Variants in PLXDC2 observed in about 807,000 individuals in gnomAD.
PLXDC2 encodes the protein plexin domain-containing protein 2.
PLXDC2 carries 40 observed loss-of-function variants against 68.9 expected under a neutral mutation model. The observed-to-expected ratio is 0.58, with a 90% confidence interval of 0.45 to 0.76. The LOEUF (loss-of-function observed/expected upper bound fraction) is 0.76. Ranked by LOEUF, PLXDC2 falls within the 30% of genes least tolerant of loss-of-function variation. The pLI, the probability that PLXDC2 is intolerant of heterozygous loss-of-function variation, is 0.00. For synonymous variants in PLXDC2, 243 were observed against 234.2 expected, an observed-to-expected ratio of 1.04 and a Z score of -0.34; for missense variants, 644 against 661.9, an observed-to-expected ratio of 0.97 and a Z score of 0.30.
intron 1 of PLXDC2, among the ~76,000 whole-genome samples, chr10:19,829,434 T>G (rs1484603669): frequency 2.0e-5 from 3 of 152,194 alleles, no homozygotes; most frequent in Non-Finnish European, 4.4e-5. Flanking sequence ...GATACTTTCT[T>G]ACCACATGTT....
rs576851240 is a variant in PLXDC2 at position 20,228,213 on chromosome 10, A to G, written c.1312+9111A>G. Among the ~76,000 whole-genome samples, 3 of 152,346 alleles carry G rather than the reference A, an allele frequency of 2.0e-5. No individual in the cohort carries two copies. In the East Asian group the frequency reaches 5.8e-4, roughly 29 times the overall value. ...ATACAAATTTAGGCATCAGCAGCGTATAAATGACAGTTGAAGTTAAGGAGA... is the reference window on the plus strand; with the variant it reads ...ATACAAATTTAGGCATCAGCAGCGTGTAAATGACAGTTGAAGTTAAGGAGA... On this transcript the variant is annotated intron_variant, in intron 12 of 13. Coordinates refer to ENST00000377252, the MANE Select transcript of PLXDC2 (RefSeq NM_032812.9).
Position 20,217,484 on chromosome 10 carries a change from C to T in PLXDC2, c.1181C>T (p.Thr394Ile). The T allele has an allele frequency of 1.2e-6, 2 of 1,612,438 alleles. No homozygotes were observed. The change falls in exon 11 of 14, where the codon ACA becomes ATA. Residue 394 changes from threonine (T) to isoleucine (I), a missense_variant. Physicochemically the swap from Thr to Ile is moderately conservative, Grantham distance 89. Coordinates refer to ENST00000377252, the MANE Select transcript of PLXDC2 (RefSeq NM_032812.9). ...EPVETSSRTT[T>I]TVGATTTQFR... The stretch of plus-strand genomic sequence containing the variant: ...GTGGAAACTTCTTCTCGAACCACCA[C>T]AACCGTAGGAGCGACAACCACCCAG...
chr10:19,849,270 A>G (rs1378767224), intron 1 of PLXDC2, among the ~76,000 whole-genome samples: 1 of 152,108 alleles, frequency 6.6e-6, no homozygotes, highest in African/African-American at 2.4e-5. Context: ...GATGTATATT[A>G]TAAACTACGA....
intron 3 of PLXDC2, among the ~76,000 whole-genome samples, chr10:20,055,233 T>C (rs917542273): frequency 6.6e-6 from 1 of 152,092 alleles, no homozygotes; most frequent in African/African-American, 2.4e-5. Flanking sequence ...ACATAGAAAA[T>C]TTCATTTAAA....
At position 20,084,111 on chromosome 10, in the gene PLXDC2, G is replaced by A. The variant is rs141823851; in HGVS notation, c.541+15872G>A. 1.5e-3 allele frequency among the ~76,000 whole-genome samples: 236 copies of A among 152,278 alleles called. 1 individual carries two copies. The highest frequency in any genetic ancestry group is 5.4e-3 in the African/African-American group (225 of 41,530). On this transcript the variant is annotated intron_variant, in intron 4 of 13. Coordinates refer to ENST00000377252, the MANE Select transcript of PLXDC2 (RefSeq NM_032812.9). ...TGTTATCATAAGTCTTACAGATTTG[G>A]CAGCAAGAAGCACTGGGACTTCAAG...
intron 9 of PLXDC2, among the ~76,000 whole-genome samples, chr10:20,204,245 C>T (rs1368189868): frequency 1.3e-5 from 2 of 152,022 alleles, no homozygotes; most frequent in African/African-American, 4.8e-5. Flanking sequence ...TTATAAGTAA[C>T]ATTTTAAATT....
chr10:20,158,750 A>G lies in PLXDC2; in HGVS notation c.784-5718A>G, dbSNP rs12256708. 4.0e-3 allele frequency among the ~76,000 whole-genome samples: 602 copies of G among 152,132 alleles called. 1 individual carries two copies. Among genetic ancestry groups the G allele is most frequent in the African/African-American group, 0.014 (568 of 41,544 alleles). ...GTACCTTTTAATAATATAGTCTCTA[A>G]TTTTATGCTGACAGAGGACCCTGCA... On this transcript the variant is annotated intron_variant, in intron 6 of 13. Transcript: ENST00000377252.
At chr10:19,956,022 T>G (rs1834063668) in intron 1 of PLXDC2, among the ~76,000 whole-genome samples, 1 of 152,084 alleles carries the variant, frequency 6.6e-6, no homozygotes, top group South Asian at 2.1e-4. Flanking sequence ...GAGATTGCAG[T>G]GAGCCAAGAC....
intron 2 of PLXDC2, among the ~76,000 whole-genome samples, chr10:20,026,722 T>G (rs1161791869): frequency 6.6e-6 from 1 of 151,768 alleles, no homozygotes; most frequent in East Asian, 1.9e-4. Context: ...TGCACAAATT[T>G]AATCTTCCCC....
intron 1 of PLXDC2, among the ~76,000 whole-genome samples, chr10:19,896,282 C>G (rs558391496): frequency 7.9e-4 from 121 of 152,338 alleles, no homozygotes; most frequent in African/African-American, 2.9e-3. Context: ...CACATTCTGG[C>G]AAACCATGGT....
At chr10:20,152,956 A>G (rs1199408985) in intron 6 of PLXDC2, among the ~76,000 whole-genome samples, 2 of 152,186 alleles carry the variant, frequency 1.3e-5, no homozygotes, top group Non-Finnish European at 2.9e-5. Context: ...TGTACAGCTA[A>G]GCCCCTTCAA....
intron 1 of PLXDC2, among the ~76,000 whole-genome samples, chr10:19,831,003 T>C (rs1012626269): frequency 6.6e-6 from 1 of 151,852 alleles, no homozygotes; most frequent in Non-Finnish European, 1.5e-5. Flanking sequence ...CCTTTTTTTT[T>C]TTGTTTGTTT....
chr10:20,052,267 T>C (rs1835917069), intron 3 of PLXDC2, among the ~76,000 whole-genome samples: 1 of 152,152 alleles, frequency 6.6e-6, no homozygotes. Context: ...AGCCTGAGCT[T>C]TCCAAATTGT....
At chr10:19,917,218 T>C (rs1324363368) in intron 1 of PLXDC2, among the ~76,000 whole-genome samples, 1 of 152,124 alleles carries the variant, frequency 6.6e-6, no homozygotes, top group Non-Finnish European at 1.5e-5. Flanking sequence ...AACATTTTCA[T>C]GGTGACTTGA....
intron 12 of PLXDC2, among the ~76,000 whole-genome samples, chr10:20,237,246 G>A (rs1035550590): frequency 6.6e-6 from 1 of 152,012 alleles, no homozygotes; most frequent in Admixed American, 6.6e-5. Context: ...AATTGTGAAT[G>A]TATTGTCACA....
At chr10:20,071,473 T>C (rs771275687) in intron 4 of PLXDC2, among the ~76,000 whole-genome samples, 2 of 152,180 alleles carry the variant, frequency 1.3e-5, no homozygotes, top group Non-Finnish European at 2.9e-5. Context: ...TGTGCTGTTC[T>C]CATGATTAGT....
chr10:19,978,938 G>A (rs1780298105), intron 1 of PLXDC2, among the ~76,000 whole-genome samples: 1 of 152,132 alleles, frequency 6.6e-6, no homozygotes, highest in Admixed American at 6.6e-5. Flanking sequence ...CAAGAACAAA[G>A]TAATCTTGAC....
chr10:19,958,378 A>G (rs918125951), intron 1 of PLXDC2, among the ~76,000 whole-genome samples: 10 of 152,128 alleles, frequency 6.6e-5, no homozygotes, highest in African/African-American at 2.4e-4. Flanking sequence ...AGCACTCACT[A>G]TATGCTTGAG....
At chr10:19,823,600 T>C (rs1370492809) in intron 1 of PLXDC2, among the ~76,000 whole-genome samples, 2 of 151,930 alleles carry the variant, frequency 1.3e-5, no homozygotes, top group African/African-American at 2.4e-5. Flanking sequence ...GGAGAATCGC[T>C]TGACCCGGGA....
Sources: allele counts gnomAD v4.1 joint callset (sites outside exome capture counted in the v4.1 genomes callset), GRCh38; gene constraint gnomAD v4.1.1; transcripts MANE v1.5; gene names NCBI Gene and HGNC (gene_info 2026-07-23, HGNC 2026-07-21).